MGAT4C: variants seen among roughly 807,000 people sequenced by gnomAD.
The protein encoded by MGAT4C is alpha-1,3-mannosyl-glycoprotein 4-beta-N-acetylglucosaminyltransferase C.
A neutral mutation model predicts 40.1 loss-of-function variants in MGAT4C; 19 were observed. The ratio of observed to expected loss-of-function variants is 0.47; its 90% confidence interval spans 0.33 to 0.70. The LOEUF (loss-of-function observed/expected upper bound fraction) is 0.70, where lower values mean the gene tolerates loss of function less well. MGAT4C is among the 30% of genes least tolerant of loss of function. MGAT4C has a pLI of 0.02. For missense variants in MGAT4C, 491 were observed against 563.2 expected (o/e 0.87, Z 1.30); for synonymous variants, 181 against 187.1 (o/e 0.97, Z 0.27).
intron 2 of MGAT4C, among the ~76,000 whole-genome samples, chr12:86,628,672 A>G (rs1962906274): frequency 6.6e-6 from 1 of 152,130 alleles, no homozygotes. Flanking sequence ...GGAGAAATAA[A>G]ATCCTTTACA....
At chr12:86,337,607 G>C (rs1029626626) in intron 3 of MGAT4C, among the ~76,000 whole-genome samples, 8 of 140,316 alleles carry the variant, frequency 5.7e-5, no homozygotes, top group African/African-American at 2.3e-4. Flanking sequence ...AAAAAAAAAA[G>C]TTGGGAAGTG....
chr12:86,010,451 G>A (rs113773677), intron 2 of MGAT4C, among the ~76,000 whole-genome samples: 3,686 of 152,174 alleles, frequency 0.024, 155 homozygotes, highest in African/African-American at 0.084. Flanking sequence ...AGGCTGAGGC[G>A]GGCAGATCAC....
chr12:86,284,002 A>C (rs1953284919), intron 4 of MGAT4C, among the ~76,000 whole-genome samples: 1 of 152,136 alleles, frequency 6.6e-6, no homozygotes, highest in Non-Finnish European at 1.5e-5. Flanking sequence ...ATATAGCTGA[A>C]TAAAAGATAA....
At chr12:86,206,228 A>G (rs1398345282) in intron 1 of MGAT4C, among the ~76,000 whole-genome samples, 1 of 152,194 alleles carries the variant, frequency 6.6e-6, no homozygotes, top group African/African-American at 2.4e-5. Context: ...TGAAACACTT[A>G]TATTTTCAAT....
chr12:86,790,031 C>G (rs1173545093), intron 1 of MGAT4C, among the ~76,000 whole-genome samples: 1 of 152,030 alleles, frequency 6.6e-6, no homozygotes, highest in Admixed American at 6.6e-5. Context: ...TTAGTGAGAC[C>G]ATTCCCTTGC....
At chr12:86,731,759 C>T (rs191338567) in intron 1 of MGAT4C, among the ~76,000 whole-genome samples, 43 of 152,142 alleles carry the variant, frequency 2.8e-4, no homozygotes, top group South Asian at 8.3e-4. Context: ...GTTTCTGCTA[C>T]GGATTGGGGG....
intron 4 of MGAT4C, among the ~76,000 whole-genome samples, chr12:86,320,128 T>C (rs61097348): frequency 0.21 from 32,458 of 152,012 alleles, 4,584 homozygotes; most frequent in African/African-American, 0.39. Flanking sequence ...CCACGTCTTC[T>C]TCTAAATCCA....
chr12:86,615,420 T>C (rs1481472972), intron 2 of MGAT4C, among the ~76,000 whole-genome samples: 2 of 152,044 alleles, frequency 1.3e-5, no homozygotes, highest in Non-Finnish European at 2.9e-5. Context: ...CTTAACACCT[T>C]GAAACAGCAA....
chr12:86,038,966 G>A (rs1891523417), intron 2 of MGAT4C, among the ~76,000 whole-genome samples: 1 of 119,072 alleles, frequency 8.4e-6, no homozygotes, highest in South Asian at 2.2e-4. Flanking sequence ...GTCTGCAAAA[G>A]GTTTTTTTTC....
intron 2 of MGAT4C, among the ~76,000 whole-genome samples, chr12:86,555,793 G>T (rs970680927): frequency 6.6e-6 from 1 of 152,066 alleles, no homozygotes; most frequent in Non-Finnish European, 1.5e-5. Flanking sequence ...AATAGTCTGG[G>T]CTTCCAGAGC....
chr12:86,507,387 A>C (rs569050474), intron 2 of MGAT4C, among the ~76,000 whole-genome samples: 1 of 152,314 alleles, frequency 6.6e-6, no homozygotes, highest in East Asian at 1.9e-4. Context: ...TCATGTAAGG[A>C]AAATGGGCAT....
intron 2 of MGAT4C, among the ~76,000 whole-genome samples, chr12:85,990,062 G>A (rs750145971): frequency 2.0e-5 from 3 of 152,150 alleles, no homozygotes; most frequent in African/African-American, 7.2e-5. Flanking sequence ...AAGAAGTTAA[G>A]GCTGTGGGGT....
chr12:86,690,841 C>T (rs1950159498), intron 2 of MGAT4C, among the ~76,000 whole-genome samples: 1 of 152,154 alleles, frequency 6.6e-6, no homozygotes, highest in Admixed American at 6.5e-5. Flanking sequence ...CTTTAATGGT[C>T]CGTCATCTTA....
At chr12:86,188,377 TG>T (rs1280236674) in intron 1 of MGAT4C, among the ~76,000 whole-genome samples, 1 of 151,846 alleles carries the variant, frequency 6.6e-6, no homozygotes, top group Non-Finnish European at 1.5e-5. Context: ...TCCTTGCCTG[TG>T]GGCAGCAGAG....
chr12:86,826,784 AAC>A, intron 1 of MGAT4C, among the ~76,000 whole-genome samples: 1 of 151,440 alleles, frequency 6.6e-6, no homozygotes, highest in Non-Finnish European at 1.5e-5. Context: ...GTTAAACTGA[AAC>A]AAAAAAGAAA....
chr12:86,793,925 T>G (rs932558126), intron 1 of MGAT4C, among the ~76,000 whole-genome samples: 5 of 151,820 alleles, frequency 3.3e-5, no homozygotes, highest in Admixed American at 1.3e-4. Context: ...ACATTACTAA[T>G]AAAAAATGTG....
At chr12:86,812,059 A>G (rs1489317688) in intron 1 of MGAT4C, among the ~76,000 whole-genome samples, 1 of 152,244 alleles carries the variant, frequency 6.6e-6, no homozygotes, top group African/African-American at 2.4e-5. Flanking sequence ...TATATTTGAC[A>G]TAAACTATTT....
intron 1 of MGAT4C, among the ~76,000 whole-genome samples, chr12:86,147,485 C>T (rs1342950583): frequency 6.6e-6 from 1 of 152,206 alleles, no homozygotes; most frequent in Non-Finnish European, 1.5e-5. Flanking sequence ...TCGTGATCCA[C>T]CCGCCTCGGC....
intron 2 of MGAT4C, among the ~76,000 whole-genome samples, chr12:86,481,164 G>T (rs553143889): frequency 1.3e-5 from 2 of 151,962 alleles, no homozygotes; most frequent in South Asian, 4.2e-4. Context: ...AAATTCTAAT[G>T]TTTTGTATAG....
Sources: allele counts gnomAD v4.1 joint callset (sites outside exome capture counted in the v4.1 genomes callset), GRCh38; gene constraint gnomAD v4.1.1; transcripts MANE v1.5; gene names NCBI Gene and HGNC (gene_info 2026-07-23, HGNC 2026-07-21).